Variants in INPP4B observed in about 807,000 individuals in gnomAD.
INPP4B encodes inositol polyphosphate 4-phosphatase type II.
Under a neutral mutation model 122.5 loss-of-function variants are expected in INPP4B, and 55 were observed. That is an observed-to-expected ratio of 0.45 (90% CI 0.36 to 0.56). INPP4B has a LOEUF of 0.56. INPP4B is among the 20% of genes least tolerant of loss of function. The pLI, the probability that INPP4B is intolerant of heterozygous loss-of-function variation, is 0.00. For missense variants in INPP4B, 1,000 were observed against 1,097.7 expected, an observed-to-expected ratio of 0.91 and a Z score of 1.26; for synonymous variants, 403 against 388.7, an observed-to-expected ratio of 1.04 and a Z score of -0.43.
intron 15 of INPP4B, among the ~76,000 whole-genome samples, 196 bp from the exon 16 acceptor site, chr4:142,174,005 C>T (rs1336874261): frequency 6.6e-6 from 1 of 152,102 alleles, no homozygotes; most frequent in Non-Finnish European, 1.5e-5. Context: ...ACTAGGTAAT[C>T]TTGTTTTGCT....
intron 2 of INPP4B, among the ~76,000 whole-genome samples, chr4:142,683,953 G>A (rs1274178285): frequency 1.3e-5 from 2 of 151,904 alleles, no homozygotes; most frequent in Admixed American, 6.6e-5. Flanking sequence ...AGGATTTTTG[G>A]ATATTTCGGG....
chr4:142,782,186 T>C (rs1184484539), intron 1 of INPP4B, among the ~76,000 whole-genome samples: 2 of 151,928 alleles, frequency 1.3e-5, no homozygotes, highest in East Asian at 3.9e-4. Flanking sequence ...CCTGTGTCCA[T>C]GTGTTCTCAT....
intron 2 of INPP4B, among the ~76,000 whole-genome samples, chr4:142,560,873 A>G (rs141905585): frequency 0.053 from 8,038 of 152,258 alleles, 256 homozygotes; most frequent in South Asian, 0.069. Context: ...AATACTTTGC[A>G]TCCTTCAATG....
At chr4:142,404,640 T>C (rs559314224) in intron 6 of INPP4B, among the ~76,000 whole-genome samples, 7 of 152,312 alleles carry the variant, frequency 4.6e-5, no homozygotes, top group Middle Eastern at 6.8e-3. Context: ...CCTAAAAACA[T>C]AGTTTGTCAA....
chr4:142,563,705 A>T (rs554918043), intron 2 of INPP4B, among the ~76,000 whole-genome samples: 1 of 152,236 alleles, frequency 6.6e-6, no homozygotes, highest in African/African-American at 2.4e-5. Context: ...GGCAGAAATG[A>T]TATTGTCTAG....
intron 2 of INPP4B, among the ~76,000 whole-genome samples, chr4:142,701,540 G>A (rs553207511): frequency 1.3e-5 from 2 of 150,518 alleles, no homozygotes; most frequent in East Asian, 3.9e-4. Context: ...GAAAGAAAAA[G>A]GGATTTGTCT....
chr4:142,387,362 T>C (rs1796283442), intron 7 of INPP4B, among the ~76,000 whole-genome samples: 1 of 152,024 alleles, frequency 6.6e-6, no homozygotes, highest in South Asian at 2.1e-4. Context: ...TCTCATTTCT[T>C]TCTGGCGTAT....
chr4:142,066,764 G>A (rs144148358), intron 25 of INPP4B, among the ~76,000 whole-genome samples: 8,795 of 152,260 alleles, frequency 0.058, 277 homozygotes, highest in Middle Eastern at 0.095. Context: ...AGGCAGCAGC[G>A]AGGCTGAGGG....
At chr4:142,212,057 G>T (rs973338756) in intron 12 of INPP4B, among the ~76,000 whole-genome samples, 1 of 152,072 alleles carries the variant, frequency 6.6e-6, no homozygotes, top group African/African-American at 2.4e-5. Flanking sequence ...TAATCCTTAG[G>T]ATTAGGATTT....
At chr4:142,528,165 A>G (rs1202070375) in intron 2 of INPP4B, among the ~76,000 whole-genome samples, 1 of 152,124 alleles carries the variant, frequency 6.6e-6, no homozygotes, top group Non-Finnish European at 1.5e-5. Flanking sequence ...ATGGTGAAGT[A>G]GAGAACTGTA....
At chr4:142,365,259 A>T (rs923963445) in intron 7 of INPP4B, among the ~76,000 whole-genome samples, 1 of 152,176 alleles carries the variant, frequency 6.6e-6, no homozygotes, top group Non-Finnish European at 1.5e-5. Context: ...AGGGCTTGTA[A>T]AAAATAAAAG....
intron 2 of INPP4B, among the ~76,000 whole-genome samples, chr4:142,507,849 CCTGA>C (rs1384130580): frequency 1.3e-5 from 2 of 152,120 alleles, no homozygotes; most frequent in Non-Finnish European, 2.9e-5. Context: ...TAAGTCCCAA[CCTGA>C]CTATTGACTT....
intron 2 of INPP4B, among the ~76,000 whole-genome samples, chr4:142,466,173 G>A (rs1379274257): frequency 3.9e-5 from 6 of 152,210 alleles, no homozygotes; most frequent in Admixed American, 1.3e-4. Flanking sequence ...GAAGAAGCAG[G>A]AAGATGAGGA....
chr4:142,208,868 T>A (rs776418029), intron 13 of INPP4B, 28 bp downstream of exon 13: 1 of 1,457,258 alleles, frequency 6.9e-7, no homozygotes. Flanking sequence ...CAATTCACTT[T>A]GAGTAAGTAG....
chr4:142,672,387 C>G (rs1757131245), intron 2 of INPP4B, among the ~76,000 whole-genome samples: 1 of 152,088 alleles, frequency 6.6e-6, no homozygotes, highest in Non-Finnish European at 1.5e-5. Context: ...TATTCTAAAT[C>G]CTTGCCAGAC....
chr4:142,648,900 G>A (rs1412474268), intron 2 of INPP4B, among the ~76,000 whole-genome samples: 2 of 152,208 alleles, frequency 1.3e-5, no homozygotes, highest in African/African-American at 4.8e-5. Flanking sequence ...CCTCAAGTGG[G>A]TTCCTGACAC....
intron 14 of INPP4B, among the ~76,000 whole-genome samples, chr4:142,208,191 C>T (rs1239425053): frequency 1.3e-5 from 2 of 152,084 alleles, no homozygotes; most frequent in African/African-American, 2.4e-5. Context: ...ACTCAGTTTG[C>T]ATTTTCATCT....
At chr4:142,796,819 A>G (rs958010426) in intron 1 of INPP4B, among the ~76,000 whole-genome samples, 2 of 151,624 alleles carry the variant, frequency 1.3e-5, no homozygotes, top group African/African-American at 2.4e-5. Context: ...CCACATCCAG[A>G]GAGTTTCCAA....
intron 2 of INPP4B, among the ~76,000 whole-genome samples, chr4:142,536,937 C>G (rs916912922): frequency 6.6e-6 from 1 of 152,130 alleles, no homozygotes; most frequent in Non-Finnish European, 1.5e-5. Flanking sequence ...GCTGGGGCTA[C>G]AGGCACGTGC....
Sources: gnomAD v4.1 joint callset for allele counts (sites outside exome capture counted in the v4.1 genomes callset) on GRCh38, gnomAD v4.1.1 for gene constraint, MANE v1.5 for transcripts, NCBI Gene and HGNC (gene_info 2026-07-23, HGNC 2026-07-21) for gene names.